SPTBN4: variants seen among roughly 807,000 people sequenced by gnomAD.
SPTBN4 encodes the protein spectrin beta chain, non-erythrocytic 4.
Under a neutral mutation model 277.8 loss-of-function variants are expected in SPTBN4, and 96 were observed. The ratio of observed to expected loss-of-function variants is 0.35; its 90% CI spans 0.29 to 0.41. The LOEUF (loss-of-function observed/expected upper bound fraction) is 0.41, where lower values mean the gene tolerates loss of function less well. Among genes scored for constraint, SPTBN4 ranks in the 10% least tolerant of loss-of-function variants. The pLI is 1.00. For synonymous variants in SPTBN4, 1,481 were observed against 1,580.3 expected (o/e 0.94, Z 1.49); for missense variants, 3,006 against 3,595.7 (o/e 0.84, Z 4.19).
chr19:40,475,594 T>C (rs777791555), intron 2 of SPTBN4, among the ~76,000 whole-genome samples: 3 of 151,992 alleles, frequency 2.0e-5, no homozygotes, highest in Non-Finnish European at 2.9e-5. Flanking sequence ...CCCGAGTAGC[T>C]GGGACTACAG....
At chr19:40,527,273 C>T (rs992303052) in intron 17 of SPTBN4, among the ~76,000 whole-genome samples, 1 of 152,154 alleles carries the variant, frequency 6.6e-6, no homozygotes, top group Non-Finnish European at 1.5e-5. Flanking sequence ...AGATACTGTA[C>T]TTTTGTTTCT....
chr19:40,550,504 ATTTT>A (rs35964729), intron 22 of SPTBN4, among the ~76,000 whole-genome samples, 177 bp downstream of exon 22: 3 of 141,364 alleles, frequency 2.1e-5, no homozygotes, highest in Non-Finnish European at 1.5e-5. Context: ...TCTTGGCTCT[ATTTT>A]TTTTTTTTTT....
At chr19:40,561,488 G>A (rs2081042127) in intron 27 of SPTBN4, among the ~76,000 whole-genome samples, 1 of 152,224 alleles carries the variant, frequency 6.6e-6, no homozygotes, top group Non-Finnish European at 1.5e-5. Flanking sequence ...CACTTGCCCT[G>A]AGACAGATTG....
intron 15 of SPTBN4, among the ~76,000 whole-genome samples, chr19:40,518,682 C>G (rs1348797502): frequency 6.6e-6 from 1 of 152,156 alleles, no homozygotes; most frequent in Non-Finnish European, 1.5e-5. Context: ...CTTCCGTCTT[C>G]CAAAGTGCTG....
chr19:40,569,507 C>T (rs770628697), intron 31 of SPTBN4, 150 bp from the exon 32 acceptor site: 39 of 713,604 alleles, frequency 5.5e-5, no homozygotes, highest in Non-Finnish European at 8.5e-5. Context: ...CCTGTGGTAC[C>T]TAAGGCGAGC....
intron 31 of SPTBN4, 100 bp downstream of exon 31, chr19:40,568,382 T>G: frequency 7.0e-7 from 1 of 1,423,776 alleles, no homozygotes. Flanking sequence ...GCTCAGAACT[T>G]CCCAAAGAAG....
Position 40,567,894 on chromosome 19 carries a change from C to T in SPTBN4, c.6568C>T (p.Pro2190Ser). The T allele has an allele frequency of 2.0e-6, 3 of 1,523,648 alleles. No individual in the cohort carries two copies. The highest frequency in any genetic ancestry group is 1.8e-6 in the Non-Finnish European group (2 of 1,138,474). The allele number at this position is 1,523,648 out of a possible 1,614,324, so 94.4% of individuals were successfully genotyped here. Reference sequence around the variant, plus strand: ...GGAGCTCAAGCCCGAGCGCCTCCAGCCGCGCATTGACCGGCTGCCGGAGAT... The same window carrying T: ...GGAGCTCAAGCCCGAGCGCCTCCAGTCGCGCATTGACCGGCTGCCGGAGAT... ...RQELKPERLQPRIDRLPEIPG... is the reference protein window; with the variant it reads ...RQELKPERLQSRIDRLPEIPG... Residue 2190 changes from proline (P) to serine (S), a missense_variant, in exon 31 of 36, where the codon CCG (proline) becomes TCG (serine). Physicochemically the swap from Pro to Ser is moderately conservative, Grantham distance 74. Coordinates refer to ENST00000598249, the MANE Select transcript of SPTBN4 (RefSeq NM_020971.3).
intron 7 of SPTBN4, among the ~76,000 whole-genome samples, chr19:40,500,236 T>A (rs545586171): frequency 9.9e-5 from 15 of 152,116 alleles, no homozygotes; most frequent in African/African-American, 3.1e-4. Flanking sequence ...TAGAATTTGT[T>A]GAGTTTCCCC....
intron 21 of SPTBN4, among the ~76,000 whole-genome samples, chr19:40,549,994 G>T (rs1343777809): frequency 1.3e-5 from 2 of 152,156 alleles, no homozygotes; most frequent in Non-Finnish European, 2.9e-5. Flanking sequence ...AGGAGACTGA[G>T]ACAGGTGTGG....
In SPTBN4 at chr19:40,567,416, G is replaced by A. The variant is rs375409492; in HGVS notation, c.6337-247G>A. On this transcript the variant is annotated intron_variant, in intron 30 of 35. Transcript: ENST00000598249. ...AGTCAGAAAGGCACGCAGAGCAATTGATTTACCCAATTTTTAAAAAAGTGA... is the reference window on the plus strand; with the variant it reads ...AGTCAGAAAGGCACGCAGAGCAATTAATTTACCCAATTTTTAAAAAAGTGA... Among the ~76,000 whole-genome samples, 32 of 152,238 alleles carry A rather than the reference G, an allele frequency of 2.1e-4. 1 individual carries two copies. The highest frequency in any genetic ancestry group is 1.7e-3 in the East Asian group (9 of 5,190).
intron 2 of SPTBN4, among the ~76,000 whole-genome samples, chr19:40,486,409 A>C (rs1599719695): frequency 6.7e-6 from 1 of 149,108 alleles, no homozygotes. Context: ...TGGCTCTGTC[A>C]CCCTTGCTGG....
chr19:40,525,937 A>T (rs902525898), intron 17 of SPTBN4, among the ~76,000 whole-genome samples: 1 of 152,122 alleles, frequency 6.6e-6, no homozygotes, highest in African/African-American at 2.4e-5. Flanking sequence ...CATCCCAGTC[A>T]TTTATTTGTC....
rs1159370441 is a variant in SPTBN4 at position 40,549,521 on chromosome 19, T to C, written c.4584+108T>C. ...GAGACGGCTGAGACCCTCCCACTCA[T>C]ACGCTGAAAGACGCATTCAGCCGTT... On this transcript the variant is annotated intron_variant, in intron 21 of 35. Coordinates refer to ENST00000598249, the MANE Select transcript of SPTBN4 (RefSeq NM_020971.3). The C allele has an allele frequency of 8.0e-6, 7 of 878,170 alleles. No homozygotes were observed. In the East Asian group the frequency reaches 2.2e-4, roughly 27 times the overall value. 54.4% of individuals were successfully genotyped at this position (878,170 alleles called of 1,614,324 possible).
chr19:40,570,141 C>G (rs2081140061), intron 32 of SPTBN4, among the ~76,000 whole-genome samples: 1 of 151,916 alleles, frequency 6.6e-6, no homozygotes, highest in Non-Finnish European at 1.5e-5. Context: ...AAGGAAGCCC[C>G]AGGTTTCTCC....
chr19:40,494,770 C>T, intron 5 of SPTBN4, 127 bp from the exon 6 acceptor site: 1 of 788,522 alleles, frequency 1.3e-6, no homozygotes, highest in Non-Finnish European at 2.1e-6. Flanking sequence ...ATCCATCCAT[C>T]TTTCTATGTT....
chr19:40,521,641 C>A (rs879738590), intron 16 of SPTBN4, among the ~76,000 whole-genome samples: 3 of 152,190 alleles, frequency 2.0e-5, no homozygotes, highest in South Asian at 2.1e-4. Context: ...ACTCGCCCCC[C>A]CTCCACCTCC....
chr19:40,574,195 G>C (rs2081180521), intron 35 of SPTBN4, among the ~76,000 whole-genome samples: 1 of 152,134 alleles, frequency 6.6e-6, no homozygotes. Context: ...CCGCGGCCAG[G>C]GCAGGGACCC....
chr19:40,564,074 G>T (rs1215420560), intron 27 of SPTBN4, among the ~76,000 whole-genome samples: 1 of 151,742 alleles, frequency 6.6e-6, no homozygotes, highest in Non-Finnish European at 1.5e-5. Context: ...ACAAACAAAG[G>T]CTGGGTGCGG....
chr19:40,526,159 G>A (rs1219891334), intron 17 of SPTBN4, among the ~76,000 whole-genome samples: 1 of 148,354 alleles, frequency 6.7e-6, no homozygotes, highest in Non-Finnish European at 1.5e-5. Flanking sequence ...TGTGTGTGAG[G>A]TGCTGTTCTT....
Sources: allele counts gnomAD v4.1 joint callset (sites outside exome capture counted in the v4.1 genomes callset), GRCh38; gene constraint gnomAD v4.1.1; transcripts MANE v1.5; gene names NCBI Gene and HGNC (gene_info 2026-07-23, HGNC 2026-07-21).